The following ZNF423 variants were observed in gnomAD, a reference collection of about 807,000 sequenced individuals.
ZNF423 encodes the protein Ebf-associated zinc finger protein.
Under a neutral mutation model 95.8 loss-of-function variants are expected in ZNF423, and 12 were observed. The observed-to-expected ratio is 0.13, with a 90% CI of 0.08 to 0.20. The LOEUF is 0.20. Ranked by LOEUF, ZNF423 falls within the 10% of genes least tolerant of loss-of-function variation. The pLI is 1.00. For missense variants in ZNF423, 1,316 were observed against 1,737.1 expected, an observed-to-expected ratio of 0.76 and a Z score of 4.31; for synonymous variants, 749 against 711.9, an observed-to-expected ratio of 1.05 and a Z score of -0.83.
intron 7 of ZNF423, among the ~76,000 whole-genome samples, chr16:49,509,945 A>G (rs1314253302): frequency 1.3e-5 from 2 of 152,332 alleles, no homozygotes; most frequent in East Asian, 3.9e-4. Context: ...TCAAGGCAAA[A>G]GGATTCCCTT....
At chr16:49,574,329 A>C (rs938325235) in intron 5 of ZNF423, among the ~76,000 whole-genome samples, 2 of 152,198 alleles carry the variant, frequency 1.3e-5, no homozygotes, top group African/African-American at 4.8e-5. Context: ...GGCTGCAGTG[A>C]GCTATGATAG....
At chr16:49,532,859 C>T (rs914967861) in intron 5 of ZNF423, among the ~76,000 whole-genome samples, 3 of 152,204 alleles carry the variant, frequency 2.0e-5, no homozygotes, top group African/African-American at 7.2e-5. Context: ...CAACGTCCCC[C>T]TTCCACAATG....
intron 5 of ZNF423, among the ~76,000 whole-genome samples, chr16:49,591,106 TA>T (rs1314204689): frequency 6.6e-6 from 1 of 152,224 alleles, no homozygotes. Context: ...ATGGGCATTG[TA>T]ACTCCACTGG....
At chr16:49,660,842 G>C (rs1007517686) in intron 3 of ZNF423, among the ~76,000 whole-genome samples, 2 of 144,010 alleles carry the variant, frequency 1.4e-5, no homozygotes, top group East Asian at 1.9e-4. Flanking sequence ...GTGGGGGGAT[G>C]GGGGGGGAGC....
chr16:49,525,463 G>A lies in ZNF423; in HGVS notation c.3633C>T (p.Cys1211=). The A allele has an allele frequency of 6.2e-7, 1 of 1,614,076 alleles. No homozygotes were observed. The highest frequency in any genetic ancestry group is 8.5e-7 in the Non-Finnish European group (1 of 1,179,982). ...TGGCCGGGGAGTCGAACATCTGGTTGCACAGCTTACACTCGTGGTTGATGC... is the reference window on the plus strand; with the variant it reads ...TGGCCGGGGAGTCGAACATCTGGTTACACAGCTTACACTCGTGGTTGATGC... ...EEGINHECKL[C]NQMFDSPAKL... The change falls in exon 6 of 8, where the codon TGC becomes TGT. Residue 1211 remains cysteine (C), a synonymous_variant. Coordinates refer to ENST00000563137, the MANE Select transcript of ZNF423 (RefSeq NM_001379286.1).
chr16:49,776,599 G>A (rs1212241059), intron 2 of ZNF423, among the ~76,000 whole-genome samples: 1 of 152,226 alleles, frequency 6.6e-6, no homozygotes, highest in African/African-American at 2.4e-5. Context: ...CAGGCCCCTG[G>A]TCTCTTAAAG....
At chr16:49,509,876 T>C (rs12923715) in intron 7 of ZNF423, among the ~76,000 whole-genome samples, 59,727 of 152,108 alleles carry the variant, frequency 0.39, 11,957 homozygotes, top group African/African-American at 0.46. Flanking sequence ...TCCCCACCTG[T>C]GAAACGGGGA....
intron 5 of ZNF423, among the ~76,000 whole-genome samples, chr16:49,615,130 TCACACACACACACA>T (rs61428028): frequency 1.4e-5 from 2 of 141,154 alleles, no homozygotes; most frequent in Admixed American, 7.0e-5. Flanking sequence ...AAACTCCATC[TCACACACACACACA>T]CACACACACA....
At chr16:49,822,632 C>G in intron 1 of ZNF423, 1 of 1,556,218 alleles carries the variant, frequency 6.4e-7, no homozygotes, top group Non-Finnish European at 8.7e-7. Context: ...GCCTACTTCC[C>G]TTGCCCCACC....
intron 7 of ZNF423, among the ~76,000 whole-genome samples, chr16:49,519,780 T>C (rs183343940): frequency 6.6e-6 from 1 of 152,322 alleles, no homozygotes; most frequent in Non-Finnish European, 1.5e-5. Context: ...CCCATCATGA[T>C]GGAGATAAAA....
intron 1 of ZNF423, among the ~76,000 whole-genome samples, chr16:49,796,522 G>T (rs960382276): frequency 4.6e-5 from 7 of 152,190 alleles, no homozygotes. Context: ...GCCCAGACAG[G>T]GCTGGGGCCC....
At chr16:49,630,482 G>T (rs1440913218) in intron 4 of ZNF423, among the ~76,000 whole-genome samples, 1 of 152,178 alleles carries the variant, frequency 6.6e-6, no homozygotes, top group Admixed American at 6.5e-5. Flanking sequence ...GGAAGCCCAT[G>T]GGAGGCCTGC....
chr16:49,667,303 G>A (rs532200631), intron 3 of ZNF423, among the ~76,000 whole-genome samples: 1 of 152,362 alleles, frequency 6.6e-6, no homozygotes, highest in East Asian at 1.9e-4. Context: ...GGAGGCCCGA[G>A]AAGAGACCAT....
intron 2 of ZNF423, among the ~76,000 whole-genome samples, chr16:49,763,905 T>A (rs2033877981): frequency 6.6e-6 from 1 of 152,170 alleles, no homozygotes; most frequent in South Asian, 2.1e-4. Context: ...TTTAAAGCAT[T>A]TCCATCACCA....
At chr16:49,522,825 ATT>A (rs2151704387) in intron 7 of ZNF423, among the ~76,000 whole-genome samples, 1 of 151,854 alleles carries the variant, frequency 6.6e-6, no homozygotes, top group East Asian at 1.9e-4. Flanking sequence ...TGAATGTGAG[ATT>A]TTTCTGTGTA....
At chr16:49,639,806 C>A (rs1473656834) in intron 3 of ZNF423, among the ~76,000 whole-genome samples, 1 of 152,184 alleles carries the variant, frequency 6.6e-6, no homozygotes, top group Non-Finnish European at 1.5e-5. Context: ...GCCCCCACAA[C>A]CCCCCTCGTT....
rs1491394272 is a variant in ZNF423 at position 49,726,883 on chromosome 16, A to AAAAAAT, written c.301+3887_301+3888insATTTTT. 1.1e-4 allele frequency among the ~76,000 whole-genome samples: 15 copies of AAAAAAT among 135,486 alleles called. No individual in the cohort carries two copies. The East Asian group carries it at 2.9e-3, about 27-fold the overall frequency. The allele number at this position is 135,486 out of a possible 152,430, so 88.9% of individuals were successfully genotyped here. ...AAAAAAAAAAAAAAAAAAAAAAAAAATGGCGAAGACCAGGTAACCACATGG... is the reference window on the plus strand; with the variant it reads ...AAAAAAAAAAAAAAAAAAAAAAAAAAAAAAATTGGCGAAGACCAGGTAACCACATGG... On this transcript the variant is annotated intron_variant, in intron 3 of 7. Transcript: ENST00000563137.
chr16:49,783,897 G>A (rs1955742778), intron 2 of ZNF423, among the ~76,000 whole-genome samples: 1 of 151,132 alleles, frequency 6.6e-6, no homozygotes. Context: ...TTGAACCTGG[G>A]AGGTGGAGGT....
At chr16:49,844,588 C>T (rs1398723885) in intron 1 of ZNF423, among the ~76,000 whole-genome samples, 3 of 152,238 alleles carry the variant, frequency 2.0e-5, no homozygotes, top group African/African-American at 4.8e-5. Context: ...CCTCTCAGTT[C>T]ACCCACTCAC....
Sources: gnomAD v4.1 joint callset for allele counts (sites outside exome capture counted in the v4.1 genomes callset) on GRCh38, gnomAD v4.1.1 for gene constraint, MANE v1.5 for transcripts, NCBI Gene and HGNC (gene_info 2026-07-23, HGNC 2026-07-21) for gene names.